The following STKLD1 variants were observed in gnomAD, a reference collection of about 807,000 sequenced individuals.
STKLD1 encodes serine/threonine kinase-like domain-containing protein STKLD1.
STKLD1 carries 79 observed loss-of-function variants against 80.4 expected under a neutral mutation model. That is an observed-to-expected ratio of 0.98 (90% CI 0.82 to 1.19). The LOEUF is 1.19. Ranked by LOEUF, STKLD1 falls within the 50% of genes most tolerant of loss-of-function variation. STKLD1 has a pLI of 0.00. For missense variants in STKLD1, 841 were observed against 856.0 expected, an observed-to-expected ratio of 0.98 and a Z score of 0.22; for synonymous variants, 393 against 357.6, an observed-to-expected ratio of 1.10 and a Z score of -1.12.
At chr9:133,379,428 C>A (rs932152452) in intron 2 of STKLD1, among the ~76,000 whole-genome samples, 3 of 152,238 alleles carry the variant, frequency 2.0e-5, no homozygotes, top group African/African-American at 4.8e-5. Context: ...GAAACAATGA[C>A]CCTGTTTATA....
At chr9:133,395,845 G>A in intron 9 of STKLD1, 82 bp downstream of exon 9, 1 of 1,439,574 alleles carries the variant, frequency 6.9e-7, no homozygotes, top group South Asian at 1.3e-5. Flanking sequence ...ACAGCTAGTT[G>A]GCTTTGTAAC....
At chr9:133,387,724 A>G in intron 5 of STKLD1, 176 bp downstream of exon 5, 1 of 695,108 alleles carries the variant, frequency 1.4e-6, no homozygotes. Context: ...TCTTAAGTGC[A>G]CAGTTTGATG....
Position 133,401,843 on chromosome 9 carries a change from T to G in STKLD1, c.1304T>G (p.Met435Arg), listed in dbSNP as rs782576495. 9.9e-6 allele frequency: 16 copies of G among 1,613,700 alleles called. No homozygotes were observed. In the Admixed American group the frequency reaches 2.7e-4, roughly 27 times the overall value. The change falls in exon 13 of 18, where the codon ATG becomes AGG. Residue 435 changes from methionine to arginine, a missense_variant. Transcript: ENST00000371957. ...CCCGAGGAGGAGCCACTTCTTGTCA[T>G]GGTCTACAGCCTGCTAGCCATCACC... The part of the protein sequence containing the change: ...SHPEEEPLLV[M>R]VYSLLAITTT...
chr9:133,390,942 C>T lies in STKLD1; in HGVS notation c.583+146C>T. The stretch of plus-strand genomic sequence containing the variant: ...ACAAAGCCCTGGCCTTGTGTAAACT[C>T]CAAAGAGACCTCCTTTGGGTTGCAA... On this transcript the variant is annotated intron_variant, in intron 7 of 17. Coordinates refer to ENST00000371957, the MANE Select transcript of STKLD1 (RefSeq NM_153710.5). The surrounding 1 kb of genome is among the most constrained non-coding windows in gnomAD (Gnocchi z 5.1). 1 of 670,338 alleles carries T rather than the reference C, an allele frequency of 1.5e-6. No homozygotes were observed. Among genetic ancestry groups the T allele is most frequent in the Non-Finnish European group, 2.6e-6 (1 of 379,518 alleles). The allele number at this position is 670,338 out of a possible 1,614,324, so 41.5% of individuals were successfully genotyped here.
In STKLD1 at chr9:133,378,085, C is replaced by T. The variant is rs143173323; in HGVS notation, c.88-951C>T. 3.8e-3 allele frequency among the ~76,000 whole-genome samples: 586 copies of T among 152,298 alleles called. 1 individual carries two copies. Among genetic ancestry groups the T allele is most frequent in the African/African-American group, 0.014 (564 of 41,568 alleles). ...TGGTAATGCGAGCCATGGGGAGCGGCTGTAAATACAGATGAAGCTTTGCTC... is the reference window on the plus strand; with the variant it reads ...TGGTAATGCGAGCCATGGGGAGCGGTTGTAAATACAGATGAAGCTTTGCTC... On this transcript the variant is annotated intron_variant, in intron 1 of 17. Coordinates refer to ENST00000371957, the MANE Select transcript of STKLD1 (RefSeq NM_153710.5).
chr9:133,392,504 T>C (rs1554775931), intron 7 of STKLD1, among the ~76,000 whole-genome samples: 3 of 146,676 alleles, frequency 2.0e-5, no homozygotes, highest in Non-Finnish European at 4.5e-5. Context: ...GGTGGGTGGA[T>C]AGATGGATGA....
At chr9:133,383,585 G>A (rs962802989) in intron 2 of STKLD1, among the ~76,000 whole-genome samples, 32 of 108,754 alleles carry the variant, frequency 2.9e-4, no homozygotes, top group African/African-American at 9.2e-4. Flanking sequence ...TGATGATAGT[G>A]TTGATGGTGG....
At chr9:133,383,778 T>C in intron 2 of STKLD1, 78 bp from the exon 3 acceptor site, 1 of 1,367,480 alleles carries the variant, frequency 7.3e-7, no homozygotes, top group Non-Finnish European at 1.0e-6. Context: ...TAATGGTCGT[T>C]GTGGTGGTGG....
chr9:133,391,995 A>G (rs1342144550), intron 7 of STKLD1, among the ~76,000 whole-genome samples: 1 of 151,664 alleles, frequency 6.6e-6, no homozygotes, highest in Non-Finnish European at 1.5e-5. Flanking sequence ...AAAGATGGCC[A>G]GAGAAAGGGG....
At chr9:133,405,080 G>A (rs1838815176) in intron 17 of STKLD1, 151 bp downstream of exon 17, 1 of 1,364,134 alleles carries the variant, frequency 7.3e-7, no homozygotes, top group Non-Finnish European at 1.0e-6. Context: ...GGCATCTTCT[G>A]AGCACCAGGG....
In STKLD1 at chr9:133,390,989, A is replaced by C. The variant is rs757775129; in HGVS notation, c.583+193A>C. On this transcript the variant is annotated intron_variant, in intron 7 of 17. Transcript: ENST00000371957. This position sits in a 1 kb window ranked among gnomAD's most constrained non-coding sequence, Gnocchi z 5.1. Reference sequence around the variant, plus strand: ...GCAACTGAGCAGGCGTGCCACCACCAGGGCAGAGGCAGGGCCCCACAGACA... The same window carrying C: ...GCAACTGAGCAGGCGTGCCACCACCCGGGCAGAGGCAGGGCCCCACAGACA... Among the ~76,000 whole-genome samples, 3 of 152,164 alleles carry C rather than the reference A, an allele frequency of 2.0e-5. No individual in the cohort carries two copies. The highest frequency in any genetic ancestry group is 4.4e-5 in the Non-Finnish European group (3 of 68,032).
intron 16 of STKLD1, among the ~76,000 whole-genome samples, chr9:133,404,420 G>A (rs940470629): frequency 1.3e-5 from 2 of 152,160 alleles, no homozygotes; most frequent in African/African-American, 4.8e-5. Flanking sequence ...TGGGCCCAGC[G>A]CTGAGCACAG....
rs587700188 is a variant in STKLD1 at position 133,405,314 on chromosome 9, C to G, written c.1936C>G (p.Arg646Gly). The change falls in exon 18 of 18, where the codon CGC (arginine) becomes GGC (glycine). Residue 646 changes from arginine (R) to glycine (G), a missense_variant. Arg to Gly is a moderately radical substitution (Grantham distance 125). Transcript: ENST00000371957. The part of the protein sequence containing the change: ...MKALLQEIKE[R>G]FTSSLVSDSS... ...GGCCCTGCTCCAGGAGATCAAGGAG[C>G]GCTTCACCTCCAGCCTGGTGAGTGA... 1.2e-6 allele frequency: 2 copies of G among 1,612,904 alleles called. No individual in the cohort carries two copies. The highest frequency in any genetic ancestry group is 1.7e-5 in the Admixed American group (1 of 59,988).
intron 7 of STKLD1, chr9:133,393,877 G>A (rs1267442793): frequency 6.2e-6 from 1 of 162,310 alleles, no homozygotes; most frequent in Non-Finnish European, 1.3e-5. Context: ...TGGGGTTCCA[G>A]TTGAGAAAGT....
rs2130247049 is a variant in STKLD1 at position 133,376,372 on chromosome 9, C to T, written c.-102C>T. 5 of 1,411,242 alleles carry T rather than the reference C, an allele frequency of 3.5e-6. No individual in the cohort carries two copies. The highest frequency in any genetic ancestry group is 4.7e-6 in the Non-Finnish European group (5 of 1,074,778). 87.4% of individuals were successfully genotyped at this position (1,411,242 alleles called of 1,614,324 possible). ...GCGCGCGGGAGGGACGCCTGAGTGCCTCGAGGGCGCCGTTCGGGCGGGGAG... is the reference window on the plus strand; with the variant it reads ...GCGCGCGGGAGGGACGCCTGAGTGCTTCGAGGGCGCCGTTCGGGCGGGGAG... On this transcript the variant is annotated 5_prime_UTR_variant, in exon 1 of 18. Transcript: ENST00000371957.
At chr9:133,386,066 G>A (rs2130276560) in intron 4 of STKLD1, among the ~76,000 whole-genome samples, 8 of 152,144 alleles carry the variant, frequency 5.3e-5, no homozygotes, top group East Asian at 1.9e-4. Context: ...TTACAGGCGC[G>A]TGCCATGATG....
At position 133,405,318 on chromosome 9, in the gene STKLD1, TCAC is replaced by T; in HGVS notation, c.1942_1944del (p.Thr648del). 1 of 1,612,952 alleles carries T rather than the reference TCAC, an allele frequency of 6.2e-7. No individual in the cohort carries two copies. The highest frequency in any genetic ancestry group is 1.3e-5 in the African/African-American group (1 of 75,028). ...CTGCTCCAGGAGATCAAGGAGCGCT[TCAC>T]CTCCAGCCTGGTGAGTGACAGCAGC... On this transcript the variant is annotated inframe_deletion, in exon 18 of 18. Transcript: ENST00000371957.
Position 133,389,815 on chromosome 9 carries a change from G to GT in STKLD1, c.467+220dup, listed in dbSNP as rs1417554755. ...ATGTGCACACGCACAGCTGCATGGG[G>GT]TGTGCGCTAGCCAGGCGGGCTGCTC... On this transcript the variant is annotated intron_variant, in intron 6 of 17. Coordinates refer to ENST00000371957, the MANE Select transcript of STKLD1 (RefSeq NM_153710.5). The surrounding 1 kb of genome is among the most constrained non-coding windows in gnomAD (Gnocchi z 6.4). 6.6e-6 allele frequency among the ~76,000 whole-genome samples: 1 copy of GT among 152,230 alleles called. No individual in the cohort carries two copies. Among genetic ancestry groups the GT allele is most frequent in the African/African-American group, 2.4e-5 (1 of 41,458 alleles).
Position 133,394,052 on chromosome 9 carries a change from A to G in STKLD1, c.584-239A>G. On this transcript the variant is annotated intron_variant, in intron 7 of 17. Coordinates refer to ENST00000371957, the MANE Select transcript of STKLD1 (RefSeq NM_153710.5). The surrounding 1 kb of genome is among the most constrained non-coding windows in gnomAD (Gnocchi z 4.9). ...ATATGGGCCAGCCTGGTGGGCACCC[A>G]CCAAGATGGACAGCTTCAGTGGCTC... is the stretch of plus-strand genomic sequence containing the variant. 1 of 531,506 alleles carries G rather than the reference A, an allele frequency of 1.9e-6. No individual in the cohort carries two copies. The highest frequency in any genetic ancestry group is 3.4e-6 in the Non-Finnish European group (1 of 294,244). 32.9% of individuals were successfully genotyped at this position (531,506 alleles called of 1,614,324 possible).
Sources: allele counts gnomAD v4.1 joint callset (sites outside exome capture counted in the v4.1 genomes callset), GRCh38; gene constraint gnomAD v4.1.1; non-coding constraint Gnocchi (gnomAD v3.1); transcripts MANE v1.5; gene names NCBI Gene and HGNC (gene_info 2026-07-23, HGNC 2026-07-21).